The following SAMHD1 variants were observed in gnomAD, a reference collection of about 807,000 sequenced individuals.
SAMHD1 encodes the protein deoxynucleoside triphosphate triphosphohydrolase SAMHD1.
SAMHD1 carries 54 observed loss-of-function variants against 79.6 expected under a neutral mutation model. The ratio of observed to expected loss-of-function variants is 0.68; its 90% CI spans 0.55 to 0.85. SAMHD1 has a LOEUF of 0.85. Among genes scored for constraint, SAMHD1 ranks in the 40% least tolerant of loss-of-function variants. The probability of loss-of-function intolerance (pLI) is 0.00; values close to 1 mark genes in which losing one functional copy is unlikely to be tolerated. For missense variants in SAMHD1, 663 were observed against 782.7 expected (o/e 0.85, Z 1.82); for synonymous variants, 260 against 264.1 (o/e 0.98, Z 0.15).
intron 5 of SAMHD1, among the ~76,000 whole-genome samples, chr20:36,930,146 C>G (rs188754577): frequency 6.6e-6 from 1 of 151,008 alleles, no homozygotes; most frequent in Non-Finnish European, 1.5e-5. Context: ...CACATATCAT[C>G]CTAAAAGCAG....
intron 11 of SAMHD1, among the ~76,000 whole-genome samples, chr20:36,910,083 TG>T (rs1194177726): frequency 6.6e-6 from 1 of 150,938 alleles, no homozygotes; most frequent in Non-Finnish European, 1.5e-5. Flanking sequence ...ATTAGCCAGG[TG>T]TGGTGGCGGG....
chr20:36,908,443 G>A (rs1381301566), intron 11 of SAMHD1, among the ~76,000 whole-genome samples: 2 of 151,978 alleles, frequency 1.3e-5, no homozygotes, highest in Non-Finnish European at 2.9e-5. Context: ...TCACCATGTT[G>A]CCCAGGCTGG....
intron 13 of SAMHD1, among the ~76,000 whole-genome samples, chr20:36,900,397 C>T (rs1028326689): frequency 6.6e-6 from 1 of 151,032 alleles, no homozygotes; most frequent in Non-Finnish European, 1.5e-5. Context: ...AGGTATGCAC[C>T]ACCACACCCA....
At chr20:36,924,262 G>A (rs1452044494) in intron 6 of SAMHD1, among the ~76,000 whole-genome samples, 1 of 150,190 alleles carries the variant, frequency 6.7e-6, no homozygotes, top group Non-Finnish European at 1.5e-5. Context: ...GGGGAGGGGA[G>A]GGGAAAGGAG....
At chr20:36,907,202 C>T (rs1053900863) in intron 11 of SAMHD1, among the ~76,000 whole-genome samples, 1 of 151,708 alleles carries the variant, frequency 6.6e-6, no homozygotes, top group African/African-American at 2.4e-5. Context: ...AGCAATCCTC[C>T]TGCCTCAGCC....
chr20:36,897,504 C>T, intron 15 of SAMHD1: 1 of 401,738 alleles, frequency 2.5e-6, no homozygotes, highest in South Asian at 2.4e-5. Context: ...CTTTGGTAAC[C>T]TCTGAAAGAT....
chr20:36,939,525 G>A (rs2063627910), intron 3 of SAMHD1, among the ~76,000 whole-genome samples: 1 of 151,890 alleles, frequency 6.6e-6, no homozygotes, highest in African/African-American at 2.4e-5. Context: ...GAAACTGGGA[G>A]GCAGAGGTTG....
In SAMHD1 at chr20:36,890,396, C is replaced by CCCTTTCTTTTCTTTCTTTCTT. The variant is rs143176006; in HGVS notation, c.*2535_*2536insAAGAAAGAAAGAAAAGAAAGG. ...ATACAAATAGCAAAGATATTTCTTT[C>CCCTTTCTTTTCTTTCTTTCTT]TCTTTCTTTCTTTCTTTCTTTCTTT... On this transcript the variant is annotated 3_prime_UTR_variant, in exon 16 of 16. Transcript: ENST00000646673. The CCCTTTCTTTTCTTTCTTTCTT allele has an allele frequency of 1.4e-5, 2 of 142,450 alleles. No homozygotes were observed. The highest frequency in any genetic ancestry group is 3.1e-5 in the Non-Finnish European group (2 of 65,368). 8.8% of individuals were successfully genotyped at this position (142,450 alleles called of 1,614,324 possible). A position where few individuals can be genotyped will look rare whatever the true frequency, so the allele number is the denominator to read the frequency against.
intron 3 of SAMHD1, 57 bp from the exon 4 acceptor site, chr20:36,935,246 G>T: frequency 7.1e-7 from 1 of 1,404,952 alleles, no homozygotes; most frequent in Non-Finnish European, 1.0e-6. Flanking sequence ...ACTGAAATTT[G>T]TGTGCAGCCA....
intron 14 of SAMHD1, 101 bp downstream of exon 14, chr20:36,898,339 T>C: frequency 1.1e-6 from 1 of 915,716 alleles, no homozygotes; most frequent in Non-Finnish European, 1.8e-6. Flanking sequence ...ACTTTAATTG[T>C]AAAGATATGC....
intron 2 of SAMHD1, among the ~76,000 whole-genome samples, chr20:36,944,976 C>T (rs1164839796): frequency 6.6e-6 from 1 of 152,196 alleles, no homozygotes; most frequent in Non-Finnish European, 1.5e-5. Context: ...CTAGAACCTA[C>T]AGCCATACAC....
intron 6 of SAMHD1, among the ~76,000 whole-genome samples, chr20:36,926,497 G>A (rs2063537152): frequency 4.6e-5 from 7 of 151,956 alleles, no homozygotes; most frequent in Admixed American, 4.6e-4. Context: ...ATCCTGACTG[G>A]GTAATAGTCA....
At chr20:36,936,595 C>T (rs35469966) in intron 3 of SAMHD1, among the ~76,000 whole-genome samples, 57,546 of 151,906 alleles carry the variant, frequency 0.38, 11,874 homozygotes, top group South Asian at 0.58. Context: ...CATGAGCCAC[C>T]GCGCCTGGCT....
intron 2 of SAMHD1, 161 bp downstream of exon 2, chr20:36,946,570 TCAAAAAA>T: frequency 1.7e-6 from 1 of 593,702 alleles, no homozygotes. Flanking sequence ...AGAGACTATC[TCAAAAAA>T]CAAATGAACA....
intron 6 of SAMHD1, 122 bp from the exon 7 acceptor site, chr20:36,919,641 T>G: frequency 2.2e-6 from 2 of 891,286 alleles, no homozygotes; most frequent in Non-Finnish European, 3.5e-6. Flanking sequence ...ATTAATTCTC[T>G]AGTTTCTAAC....
intron 3 of SAMHD1, among the ~76,000 whole-genome samples, chr20:36,938,982 G>A (rs1021437970): frequency 2.8e-5 from 4 of 145,202 alleles, no homozygotes; most frequent in Admixed American, 7.4e-5. Context: ...TGTAATCCCA[G>A]CACTTTGGGA....
At chr20:36,926,736 C>T (rs908454546) in intron 6 of SAMHD1, among the ~76,000 whole-genome samples, 1 of 152,124 alleles carries the variant, frequency 6.6e-6, no homozygotes, top group East Asian at 1.9e-4. Flanking sequence ...GGGACAGCCA[C>T]CTGCAAATGC....
chr20:36,912,914 T>TC (rs2063453532), intron 9 of SAMHD1, among the ~76,000 whole-genome samples: 1 of 143,620 alleles, frequency 7.0e-6, no homozygotes, highest in African/African-American at 2.6e-5. Context: ...TTTTTTTTTT[T>TC]TGAGATGGAG....
At chr20:36,899,257 TAA>T (rs34443478) in intron 13 of SAMHD1, among the ~76,000 whole-genome samples, 24 of 108,548 alleles carry the variant, frequency 2.2e-4, no homozygotes, top group East Asian at 6.0e-4. Flanking sequence ...CCAAAAATAC[TAA>T]AAAAAAAAAA....
Sources: gnomAD v4.1 joint callset for allele counts (sites outside exome capture counted in the v4.1 genomes callset) on GRCh38, gnomAD v4.1.1 for gene constraint, MANE v1.5 for transcripts, NCBI Gene and HGNC (gene_info 2026-07-23, HGNC 2026-07-21) for gene names.